SEMA3B: variants seen among roughly 807,000 people sequenced by gnomAD.
The protein encoded by SEMA3B is semaphorin 3B.
In SEMA3B, 71 loss-of-function variants were observed where a neutral mutation model predicts 77.8. The observed-to-expected ratio is 0.91, with a 90% CI of 0.75 to 1.11. The LOEUF (loss-of-function observed/expected upper bound fraction) is 1.11, where lower values mean the gene tolerates loss of function less well. Ranked by LOEUF, SEMA3B falls within the 50% of genes most tolerant of loss-of-function variation. The pLI is 0.00. For missense variants in SEMA3B, 968 were observed against 1,056.8 expected (o/e 0.92, Z 1.17); for synonymous variants, 470 against 452.9 (o/e 1.04, Z -0.48).
At chr3:50,267,088 C>T (rs1700912514), upstream of SEMA3B, among the ~76,000 whole-genome samples, 1 of 152,144 alleles carries the variant, frequency 6.6e-6, no homozygotes, top group African/African-American at 2.4e-5. The surrounding 1 kb of genome is among the most constrained non-coding windows in gnomAD (Gnocchi z 5.7). Context: ...TGGTAGAAGC[C>T]ACTGCTGGCC....
Position 50,273,492 on chromosome 3 carries a change from C to T in SEMA3B, c.811-43C>T. On this transcript the variant is annotated intron_variant, in intron 7 of 16. Transcript: ENST00000616701. This position sits in a 1 kb window ranked among gnomAD's most constrained non-coding sequence, Gnocchi z 6.5. Reference sequence around the variant, plus strand: ...CGGCGACCCTGCCCCTACCCCTTTGCCTGCCCTGGTCTCGCCCTCATCCCC... The same window carrying T: ...CGGCGACCCTGCCCCTACCCCTTTGTCTGCCCTGGTCTCGCCCTCATCCCC... 1 of 1,609,320 alleles carries T rather than the reference C, an allele frequency of 6.2e-7. No homozygotes were observed. The highest frequency in any genetic ancestry group is 8.5e-7 in the Non-Finnish European group (1 of 1,176,638).
Position 50,274,428 on chromosome 3 carries a change from T to C in SEMA3B, c.1203T>C (p.Phe401=). 6.6e-7 allele frequency: 1 copy of C among 1,514,278 alleles called. No individual in the cohort carries two copies. Among genetic ancestry groups the C allele is most frequent in the Non-Finnish European group, 8.8e-7 (1 of 1,131,742 alleles). 93.8% of individuals were successfully genotyped at this position (1,514,278 alleles called of 1,614,324 possible). ...TKDFPDDVIQ[F]ARNHPLMYNS... ...ACTTCCCAGACGATGTCATCCAGTT[T>C]GCGCGGAACCACCCCCTCATGTACA... The change falls in exon 11 of 17, where the codon TTT becomes TTC. Residue 401 remains phenylalanine (F), a synonymous_variant. Coordinates refer to ENST00000616701, the MANE Select transcript of SEMA3B (RefSeq NM_001290060.2). This position sits in a 1 kb window ranked among gnomAD's most constrained non-coding sequence, Gnocchi z 4.7.
chr3:50,271,901 C>A (rs1434560871), intron 6 of SEMA3B, among the ~76,000 whole-genome samples: 6 of 152,060 alleles, frequency 3.9e-5, no homozygotes, highest in Admixed American at 3.9e-4. Context: ...GGCCTGGATG[C>A]AAGAACAAGC....
rs781897820 is a variant in SEMA3B at position 50,273,812 on chromosome 3, G to A, written c.976G>A (p.Val326Ile). 97 of 1,582,286 alleles carry A rather than the reference G, an allele frequency of 6.1e-5. No individual in the cohort carries two copies. The highest frequency in any genetic ancestry group is 1.7e-4 in the Middle Eastern group (1 of 5,896). ...RDHRTPLLYA[V>I]FSTSSSIFQG... ...CCACCGGACCCCGCTGCTCTATGCCGTCTTCTCCACGTCCAGGTGAGGGGC... is the reference window on the plus strand; with the variant it reads ...CCACCGGACCCCGCTGCTCTATGCCATCTTCTCCACGTCCAGGTGAGGGGC... The change falls in exon 9 of 17, where the codon GTC becomes ATC. Residue 326 changes from valine to isoleucine, a missense_variant. Val to Ile is a conservative substitution (Grantham distance 29). Coordinates refer to ENST00000616701, the MANE Select transcript of SEMA3B (RefSeq NM_001290060.2). This position sits in a 1 kb window ranked among gnomAD's most constrained non-coding sequence, Gnocchi z 6.5.
upstream of SEMA3B, chr3:50,263,356 G>C (rs1700855290): frequency 6.6e-6 from 1 of 151,716 alleles, no homozygotes; most frequent in African/African-American, 2.4e-5. Context: ...AAAATTAACT[G>C]TGTGTTGTGG....
chr3:50,272,855 A>AAATAAT (rs55666696), intron 6 of SEMA3B, among the ~76,000 whole-genome samples: 2,309 of 145,570 alleles, frequency 0.016, 32 homozygotes, highest in Non-Finnish European at 0.023. Flanking sequence ...ATAAATAAAC[A>AAATAAT]AATAATAATA....
chr3:50,269,109 G>GA (rs1356337705), upstream of SEMA3B: 4 of 669,012 alleles, frequency 6.0e-6, no homozygotes, highest in Admixed American at 7.3e-5. This position sits in a 1 kb window ranked among gnomAD's most constrained non-coding sequence, Gnocchi z 4.0. Flanking sequence ...GATCCCTGGG[G>GA]ACTCCCCCCC....
intron 5 of SEMA3B, 64 bp from the exon 6 acceptor site, chr3:50,271,297 C>G: frequency 6.5e-7 from 1 of 1,549,638 alleles, no homozygotes; most frequent in Non-Finnish European, 8.7e-7. Flanking sequence ...ACTCCCAGAG[C>G]TCCCCAGGCC....
Position 50,270,487 on chromosome 3 carries a change from G to A in SEMA3B, c.322G>A (p.Asp108Asn). 6.2e-7 allele frequency: 1 copy of A among 1,613,598 alleles called. No homozygotes were observed. The highest frequency in any genetic ancestry group is 8.5e-7 in the Non-Finnish European group (1 of 1,179,872). Reference sequence around the variant, plus strand: ...AGAGGAGTGCAACTGGGCAGGGAAGGACATTGGTGTGAGTGCCAGCTGCCC... The same window carrying A: ...AGAGGAGTGCAACTGGGCAGGGAAGAACATTGGTGTGAGTGCCAGCTGCCC... ...WREECNWAGKDIGTECMNFVK... is the reference protein window; with the variant it reads ...WREECNWAGKNIGTECMNFVK... Residue 108 changes from aspartate to asparagine, a missense_variant, in exon 3 of 17, where the codon GAC becomes AAC. Transcript: ENST00000616701. The surrounding 1 kb of genome is among the most constrained non-coding windows in gnomAD (Gnocchi z 4.7).
rs1182582802 is a variant in SEMA3B, at chr3:50,275,847, G to A, written c.1845+3G>A. 11 of 1,592,558 alleles carry A rather than the reference G, an allele frequency of 6.9e-6. No individual in the cohort carries two copies. The highest frequency in any genetic ancestry group is 6.7e-5 in the African/African-American group (5 of 74,688). On this transcript the variant is annotated splice_donor_region_variant and intron_variant, in intron 16 of 16. Coordinates refer to ENST00000616701, the MANE Select transcript of SEMA3B (RefSeq NM_001290060.2). The surrounding 1 kb of genome is among the most constrained non-coding windows in gnomAD (Gnocchi z 7.5). ...CAGGGGTGACAGCCCACACCCAGGT[G>A]AGCCTTACTCCGCCCTCCCCGCCAG...
chr3:50,275,316 A>G lies in SEMA3B; in HGVS notation c.1506A>G (p.Val502=). 6.4e-7 allele frequency: 1 copy of G among 1,573,700 alleles called. No homozygotes were observed. The highest frequency in any genetic ancestry group is 8.6e-7 in the Non-Finnish European group (1 of 1,161,296). The change falls in exon 14 of 17, where the codon GTA becomes GTG. Residue 502 remains valine (V), a synonymous_variant. Coordinates refer to ENST00000616701, the MANE Select transcript of SEMA3B (RefSeq NM_001290060.2). This position sits in a 1 kb window ranked among gnomAD's most constrained non-coding sequence, Gnocchi z 7.5. ...QISSKRHQLY[V]ASRSAVAQIA... is the part of the protein sequence containing the mutation. Reference sequence around the variant, plus strand: ...GTGCCCCCTAGCACCAGCTGTACGTAGCCTCGCGGAGCGCGGTGGCCCAGA... The same window carrying G: ...GTGCCCCCTAGCACCAGCTGTACGTGGCCTCGCGGAGCGCGGTGGCCCAGA...
At chr3:50,260,324 G>C in the SEMA3B span, 1 of 152,248 alleles carries the variant, frequency 6.6e-6, no homozygotes, top group Non-Finnish European at 1.5e-5. Context: ...CGCGGAGGCG[G>C]GGAGGGAGGG....
chr3:50,266,390 CCT>C (rs1405903734), upstream of SEMA3B, among the ~76,000 whole-genome samples: 2 of 152,192 alleles, frequency 1.3e-5, no homozygotes, highest in Admixed American at 6.5e-5. Context: ...CCCACTGGCC[CCT>C]GTTATTTACC....
chr3:50,275,104 G>T lies in SEMA3B; in HGVS notation c.1491+51G>T. 1 of 1,533,486 alleles carries T rather than the reference G, an allele frequency of 6.5e-7. No homozygotes were observed. The allele number at this position is 1,533,486 out of a possible 1,614,324, so 95.0% of individuals were successfully genotyped here. A position where few individuals can be genotyped will look rare whatever the true frequency, so the allele number is the denominator to read the frequency against. On this transcript the variant is annotated intron_variant, in intron 13 of 16. Coordinates refer to ENST00000616701, the MANE Select transcript of SEMA3B (RefSeq NM_001290060.2). This position sits in a 1 kb window ranked among gnomAD's most constrained non-coding sequence, Gnocchi z 7.5. ...GTGGGATGGACTGAGCTTGTGCCTG[G>T]CGCGTCCCAAGCCTCTGGCCCCTTT...
Position 50,275,862 on chromosome 3 carries a change from C to A in SEMA3B, c.1845+18C>A. The A allele has an allele frequency of 6.4e-7, 1 of 1,566,320 alleles. No homozygotes were observed. Among genetic ancestry groups the A allele is most frequent in the South Asian group, 1.2e-5 (1 of 85,546 alleles). On this transcript the variant is annotated intron_variant, in intron 16 of 16. Coordinates refer to ENST00000616701, the MANE Select transcript of SEMA3B (RefSeq NM_001290060.2). This position sits in a 1 kb window ranked among gnomAD's most constrained non-coding sequence, Gnocchi z 7.5. ...ACACCCAGGTGAGCCTTACTCCGCCCTCCCCGCCAGGCTCCTGTCCCACCC... is the reference window on the plus strand; with the variant it reads ...ACACCCAGGTGAGCCTTACTCCGCCATCCCCGCCAGGCTCCTGTCCCACCC...
Position 50,270,518 on chromosome 3 carries a change from G to T in SEMA3B, c.330+23G>T. The T allele has an allele frequency of 6.2e-7, 1 of 1,613,210 alleles. No individual in the cohort carries two copies. Among genetic ancestry groups the T allele is most frequent in the Non-Finnish European group, 8.5e-7 (1 of 1,179,820 alleles). On this transcript the variant is annotated intron_variant, in intron 3 of 16. Coordinates refer to ENST00000616701, the MANE Select transcript of SEMA3B (RefSeq NM_001290060.2). This position sits in a 1 kb window ranked among gnomAD's most constrained non-coding sequence, Gnocchi z 4.7. ...GGTGTGAGTGCCAGCTGCCCGGGCC[G>T]GGAGTGGGGAGGGTCAGCCCCTCAC...
the SEMA3B span, chr3:50,261,825 A>C: frequency 6.6e-6 from 1 of 152,250 alleles, no homozygotes; most frequent in Non-Finnish European, 1.5e-5. Flanking sequence ...TGAGTAGAGA[A>C]TACAAGCCCT....
In SEMA3B at chr3:50,274,825, C is replaced by G. The variant is rs782094401; in HGVS notation, c.1358-18C>G. On this transcript the variant is annotated intron_variant, in intron 11 of 16. Coordinates refer to ENST00000616701, the MANE Select transcript of SEMA3B (RefSeq NM_001290060.2). This position sits in a 1 kb window ranked among gnomAD's most constrained non-coding sequence, Gnocchi z 4.7. ...GTCCGGGAGCACCAATGGTCATTAC[C>G]CCTTCTCATCCCTGCAGACGTTGGC... 6.2e-7 allele frequency: 1 copy of G among 1,608,480 alleles called. No homozygotes were observed. Among genetic ancestry groups the G allele is most frequent in the Non-Finnish European group, 8.5e-7 (1 of 1,178,614 alleles).
At position 50,276,145 on chromosome 3, in the gene SEMA3B, C is replaced by G; in HGVS notation, c.1846-157C>G. 1.9e-6 allele frequency: 2 copies of G among 1,033,332 alleles called. No individual in the cohort carries two copies. Among genetic ancestry groups the G allele is most frequent in the Non-Finnish European group, 2.7e-6 (2 of 743,162 alleles). 64.0% of individuals were successfully genotyped at this position (1,033,332 alleles called of 1,614,324 possible). A position where few individuals can be genotyped will look rare whatever the true frequency, so the allele number is the denominator to read the frequency against. On this transcript the variant is annotated intron_variant, in intron 16 of 16. Coordinates refer to ENST00000616701, the MANE Select transcript of SEMA3B (RefSeq NM_001290060.2). This position sits in a 1 kb window ranked among gnomAD's most constrained non-coding sequence, Gnocchi z 5.8. ...CGGATTCTCCCTTGAAGACCACCAG[C>G]TCCCAAACACTCAGCCTTAAAATGT... is the stretch of plus-strand genomic sequence containing the variant.
Sources: allele counts gnomAD v4.1 joint callset (sites outside exome capture counted in the v4.1 genomes callset), GRCh38; gene constraint gnomAD v4.1.1; non-coding constraint Gnocchi (gnomAD v3.1); transcripts MANE v1.5; gene names NCBI Gene and HGNC (gene_info 2026-07-23, HGNC 2026-07-21).